Variants in GJA3 observed in about 807,000 individuals in gnomAD.
GJA3 encodes the protein gap junction protein alpha 3, also known as gap junction alpha-3 protein.
For synonymous variants in GJA3, 297 were observed against 292.6 expected, an observed-to-expected ratio of 1.02 and a Z score of -0.15; for missense variants, 571 against 620.3, an observed-to-expected ratio of 0.92 and a Z score of 0.84.
At position 20,142,272 on chromosome 13, in the gene GJA3, C is replaced by A. The variant is rs11617415; in HGVS notation, c.1017G>T (p.Ala339=). Residue 339 remains alanine (A), a synonymous_variant, in exon 2 of 2, where the codon GCG becomes GCT. Transcript: ENST00000241125. ...ANQAAERQPP[A]LKAYPAASTP... ...TGGACGCTGCCGGGTAAGCCTTGAG[C>A]GCCGGGGGCTGCCGCTCGGCCGCCT... The A allele has an allele frequency of 6.4e-7, 1 of 1,561,650 alleles. No individual in the cohort carries two copies. Among genetic ancestry groups the A allele is most frequent in the Non-Finnish European group, 8.6e-7 (1 of 1,156,896 alleles).
At chr13:20,153,729 A>G (rs1408203411) in intron 1 of GJA3, among the ~76,000 whole-genome samples, 2 of 152,090 alleles carry the variant, frequency 1.3e-5, no homozygotes, top group Admixed American at 6.5e-5. Flanking sequence ...ACATGTATAC[A>G]TATGTAACAA....
Position 20,142,223 on chromosome 13 carries a change from C to G in GJA3, c.1066G>C (p.Gly356Arg). The G allele has an allele frequency of 6.6e-7, 1 of 1,521,040 alleles. No homozygotes were observed. The highest frequency in any genetic ancestry group is 8.8e-7 in the Non-Finnish European group (1 of 1,138,510). The allele number at this position is 1,521,040 out of a possible 1,614,324, so 94.2% of individuals were successfully genotyped here. The change falls in exon 2 of 2, where the codon GGC becomes CGC. Residue 356 changes from glycine to arginine, a missense_variant. By Grantham distance (125) the Gly-to-Arg change is moderately radical. Transcript: ENST00000241125. ...ASTPAAPSPV[G>R]SSSPPLAHEA... The stretch of plus-strand genomic sequence containing the variant: ...TGCGCGAGTGGCGGGGAGCTGCTGC[C>G]GACGGGGCTGGGGGCTGCAGGCGTG...
In GJA3 at chr13:20,142,723, G is replaced by A. The variant is rs762864113; in HGVS notation, c.566C>T (p.Thr189Met). The A allele has an allele frequency of 3.1e-6, 5 of 1,613,942 alleles. No individual in the cohort carries two copies. The highest frequency in any genetic ancestry group is 1.7e-6 in the Non-Finnish European group (2 of 1,179,944). Reference protein sequence around the residue: ...YRCDRWPCPNTVDCFISRPTE... With the variant: ...YRCDRWPCPNMVDCFISRPTE... Reference sequence around the variant, plus strand: ...GGGCCTGGAGATGAAGCAGTCCACCGTGTTGGGGCAGGGCCAGCGGTCGCA... The same window carrying A: ...GGGCCTGGAGATGAAGCAGTCCACCATGTTGGGGCAGGGCCAGCGGTCGCA... The change falls in exon 2 of 2, where the codon ACG becomes ATG. Residue 189 changes from threonine (T) to methionine (M), a missense_variant. Physicochemically the swap from Thr to Met is moderately conservative, Grantham distance 81 (BLOSUM62 -1). Transcript: ENST00000241125.
chr13:20,155,783 T>G (rs1297773202), intron 1 of GJA3, among the ~76,000 whole-genome samples: 1 of 151,940 alleles, frequency 6.6e-6, no homozygotes, highest in Non-Finnish European at 1.5e-5. Flanking sequence ...AAGATTTTAG[T>G]ATTTGTTGGC....
At chr13:20,143,454 T>C (rs1221210156) in intron 1 of GJA3, 149 bp from the exon 2 acceptor site, 18 of 556,772 alleles carry the variant, frequency 3.2e-5, no homozygotes, top group Non-Finnish European at 5.6e-5. Flanking sequence ...CCCCAGGACC[T>C]GGACGAGCAG....
Position 20,142,692 on chromosome 13 carries a change from C to T in GJA3, c.597G>A (p.Glu199=). 1.2e-6 allele frequency: 2 copies of T among 1,614,002 alleles called. No homozygotes were observed. The highest frequency in any genetic ancestry group is 1.1e-5 in the South Asian group (1 of 91,090). ...GCATGAAGATGATGAAGATGGTCTT[C>T]TCCGTGGGCCTGGAGATGAAGCAGT... The part of the protein sequence containing the change: ...TVDCFISRPT[E]KTIFIIFMLA... The change falls in exon 2 of 2, where the codon GAG becomes GAA. Residue 199 remains glutamate, a synonymous_variant. Coordinates refer to ENST00000241125, the MANE Select transcript of GJA3 (RefSeq NM_021954.4).
At chr13:20,149,967 G>A (rs914184554) in intron 1 of GJA3, among the ~76,000 whole-genome samples, 11 of 152,222 alleles carry the variant, frequency 7.2e-5, no homozygotes, top group East Asian at 1.9e-4. Flanking sequence ...TGGTAATCTC[G>A]GAGTGAGTGT....
rs1278306213 is a variant in GJA3 at position 20,142,662 on chromosome 13, C to T, written c.627G>A (p.Ala209=). 1.9e-6 allele frequency: 3 copies of T among 1,613,726 alleles called. No homozygotes were observed. Among genetic ancestry groups the T allele is most frequent in the Admixed American group, 1.7e-5 (1 of 60,008 alleles). ...EKTIFIIFML[A]VACASLLLNM... ...TGAGCAGCAGGGACGCGCAGGCCAC[C>T]GCCAGCATGAAGATGATGAAGATGG... Residue 209 remains alanine (A), a synonymous_variant, in exon 2 of 2, where the codon GCG becomes GCA. Coordinates refer to ENST00000241125, the MANE Select transcript of GJA3 (RefSeq NM_021954.4).
chr13:20,142,276 G>T lies in GJA3; in HGVS notation c.1013C>A (p.Pro338Gln), dbSNP rs766975987. 2 of 1,564,666 alleles carry T rather than the reference G, an allele frequency of 1.3e-6. No individual in the cohort carries two copies. The highest frequency in any genetic ancestry group is 2.4e-5 in the East Asian group (1 of 41,466). The change falls in exon 2 of 2, where the codon CCG (proline) becomes CAG (glutamine). Residue 338 changes from proline (P) to glutamine (Q), a missense_variant. Pro to Gln is a moderately conservative substitution (Grantham distance 76). Transcript: ENST00000241125. ...CGCTGCCGGGTAAGCCTTGAGCGCC[G>T]GGGGCTGCCGCTCGGCCGCCTGGTT... is the stretch of plus-strand genomic sequence containing the variant. ...WANQAAERQP[P>Q]ALKAYPAAST...
In GJA3 at chr13:20,139,899, G is replaced by A. The variant is rs1958797438; in HGVS notation, c.*2082C>T. ...ATTATGGTAGAACTTAAAGAACCAA[G>A]TATTGACATCCACTTGTACTTGAGC... On this transcript the variant is annotated 3_prime_UTR_variant, in exon 2 of 2. Transcript: ENST00000241125. The A allele has an allele frequency of 6.6e-6, 1 of 152,226 alleles. No homozygotes were observed. Among genetic ancestry groups the A allele is most frequent in the Non-Finnish European group, 1.5e-5 (1 of 68,044 alleles). The allele number at this position is 152,226 out of a possible 1,614,324, so 9.4% of individuals were successfully genotyped here. A position where few individuals can be genotyped will look rare whatever the true frequency, so the allele number is the denominator to read the frequency against.
chr13:20,151,902 A>C (rs566710066), intron 1 of GJA3, among the ~76,000 whole-genome samples: 1 of 152,290 alleles, frequency 6.6e-6, no homozygotes, highest in East Asian at 1.9e-4. Flanking sequence ...ACCACAATCC[A>C]GAGAAATGAT....
In GJA3 at chr13:20,142,970, TC is replaced by T; in HGVS notation, c.318del (p.Glu108ArgfsTer8). On this transcript the variant is annotated frameshift_variant, in exon 2 of 2. Transcript: ENST00000241125. LOFTEE classifies it low-confidence loss of function (END_TRUNC). Reference sequence around the variant, plus strand: ...AGCTGCTCCTCCTCCTCCCTCTCTTTCTTCTTCTCTTCCATGCGCACGATGT... The same window carrying T: ...AGCTGCTCCTCCTCCTCCCTCTCTTTTTCTTCTCTTCCATGCGCACGATGT... ...VLHIVRMEEK[K>X]KEREEEEQLK... 6.3e-7 allele frequency: 1 copy of T among 1,585,646 alleles called. No individual in the cohort carries two copies. Among genetic ancestry groups the T allele is most frequent in the Non-Finnish European group, 8.6e-7 (1 of 1,165,884 alleles).
At position 20,154,083 on chromosome 13, in the gene GJA3, G is replaced by A. The variant is rs184101102; in HGVS notation, c.-18+6807C>T. ...ACCTTGTTCTCCAAATGTGTCTTTCGACAATTTTTGGCTTTTTACTTCTAA... is the reference window on the plus strand; with the variant it reads ...ACCTTGTTCTCCAAATGTGTCTTTCAACAATTTTTGGCTTTTTACTTCTAA... On this transcript the variant is annotated intron_variant, in intron 1 of 1. Transcript: ENST00000241125. Among the ~76,000 whole-genome samples the A allele has an allele frequency of 2.2e-3, 339 of 152,266 alleles. 2 individuals are homozygous for A. Among genetic ancestry groups the A allele is most frequent in the Non-Finnish European group, 3.9e-3 (267 of 68,018 alleles).
intron 1 of GJA3, among the ~76,000 whole-genome samples, chr13:20,155,001 C>A (rs59002545): frequency 0.087 from 13,168 of 152,150 alleles, 681 homozygotes; most frequent in Non-Finnish European, 0.12. Context: ...CAGGCACACA[C>A]CACCACAGCC....
intron 1 of GJA3, among the ~76,000 whole-genome samples, chr13:20,157,023 A>C (rs1284067396): frequency 1.3e-5 from 2 of 152,228 alleles, no homozygotes; most frequent in African/African-American, 4.8e-5. Flanking sequence ...AACTTCTGTG[A>C]ACCACTTAAG....
chr13:20,155,412 T>C (rs547524548), intron 1 of GJA3, among the ~76,000 whole-genome samples: 1 of 152,178 alleles, frequency 6.6e-6, no homozygotes, highest in Non-Finnish European at 1.5e-5. Flanking sequence ...TTTAATTTCA[T>C]TAACTGTTAC....
At chr13:20,145,337 T>G (rs552900783) in intron 1 of GJA3, among the ~76,000 whole-genome samples, 2 of 152,184 alleles carry the variant, frequency 1.3e-5, no homozygotes, top group African/African-American at 4.8e-5. Flanking sequence ...CTGGAGCTCT[T>G]AGAGAAAGCG....
chr13:20,144,820 A>C (rs977371739), intron 1 of GJA3, among the ~76,000 whole-genome samples: 3 of 152,256 alleles, frequency 2.0e-5, no homozygotes, highest in Admixed American at 1.3e-4. Flanking sequence ...GCAGTGAGGA[A>C]AGCAGTCTCA....
chr13:20,146,016 C>T (rs1958840129), intron 1 of GJA3, among the ~76,000 whole-genome samples: 1 of 152,230 alleles, frequency 6.6e-6, no homozygotes, highest in Non-Finnish European at 1.5e-5. Flanking sequence ...CAGGCATGGG[C>T]ATCCTTTCCT....
Sources: gnomAD v4.1 joint callset for allele counts (sites outside exome capture counted in the v4.1 genomes callset) on GRCh38, gnomAD v4.1.1 for gene constraint, MANE v1.5 for transcripts, NCBI Gene and HGNC (gene_info 2026-07-23, HGNC 2026-07-21) for gene names.